The following NCAM2 variants were observed in gnomAD, a reference collection of about 807,000 sequenced individuals.
NCAM2 encodes the protein N-CAM-2.
Under a neutral mutation model 98.1 loss-of-function variants are expected in NCAM2, and 30 were observed. The observed-to-expected ratio is 0.31, with a 90% confidence interval of 0.23 to 0.41. The LOEUF (loss-of-function observed/expected upper bound fraction) is 0.41, where lower values mean the gene tolerates loss of function less well. Ranked by LOEUF, NCAM2 falls within the 10% of genes least tolerant of loss-of-function variation. The pLI, the probability that NCAM2 is intolerant of heterozygous loss-of-function variation, is 1.00. For missense variants in NCAM2, 867 were observed against 1,005.8 expected (o/e 0.86, Z 1.87); for synonymous variants, 368 against 342.4 (o/e 1.07, Z -0.83).
chr21:21,147,199 A>G (rs952917823), intron 1 of NCAM2: 6 of 985,318 alleles, frequency 6.1e-6, no homozygotes, highest in Non-Finnish European at 7.2e-6. Context: ...ACTTCAGCAC[A>G]TGGAACTCTG....
At chr21:21,477,217 C>A in intron 14 of NCAM2, 74 bp from the exon 15 acceptor site, 1 of 1,161,540 alleles carries the variant, frequency 8.6e-7, no homozygotes, top group Non-Finnish European at 1.2e-6. Flanking sequence ...GTTCCAATTC[C>A]AATATAATTT....
intron 5 of NCAM2, among the ~76,000 whole-genome samples, chr21:21,304,463 G>C (rs193273942): frequency 3.3e-5 from 5 of 151,614 alleles, no homozygotes; most frequent in Non-Finnish European, 5.9e-5. Context: ...CTGTTCCATT[G>C]ATCTATTTAT....
At chr21:21,079,084 G>T (rs999888546) in intron 1 of NCAM2, among the ~76,000 whole-genome samples, 1 of 152,232 alleles carries the variant, frequency 6.6e-6, no homozygotes, top group South Asian at 2.1e-4. Flanking sequence ...GCTAATACAT[G>T]CAGGGCTTAA....
At position 21,500,979 on chromosome 21, in the gene NCAM2, G is replaced by T. The variant is rs77837468; in HGVS notation, c.2078-7872G>T. ...CAATATCCCCACCATTTTTAAAGCC[G>T]TGAGCATTTAATTTTAAAAAAATTA... On this transcript the variant is annotated intron_variant, in intron 15 of 17. Coordinates refer to ENST00000400546, the MANE Select transcript of NCAM2 (RefSeq NM_004540.5). Among the ~76,000 whole-genome samples the T allele has an allele frequency of 9.0e-3, 1,363 of 152,096 alleles. 24 individuals carry two copies. Among genetic ancestry groups the T allele is most frequent in the African/African-American group, 0.031 (1,304 of 41,528 alleles).
chr21:21,470,014 T>C (rs1984229169), intron 14 of NCAM2, among the ~76,000 whole-genome samples: 1 of 152,026 alleles, frequency 6.6e-6, no homozygotes, highest in Non-Finnish European at 1.5e-5. Flanking sequence ...AAAAAATTTA[T>C]TGTACAAAAT....
chr21:21,260,500 G>T (rs956191908), intron 1 of NCAM2, among the ~76,000 whole-genome samples: 3 of 151,574 alleles, frequency 2.0e-5, no homozygotes, highest in Admixed American at 2.0e-4. Context: ...AGTAACAGCG[G>T]ACTTTTCAGC....
intron 5 of NCAM2, among the ~76,000 whole-genome samples, chr21:21,307,055 G>A (rs999571288): frequency 3.1e-4 from 12 of 39,112 alleles, no homozygotes; most frequent in Middle Eastern, 0.015. Context: ...TTTGTAGGAT[G>A]TGTACAGTTG....
chr21:21,356,466 T>C (rs966584196), intron 8 of NCAM2, among the ~76,000 whole-genome samples: 100 of 152,128 alleles, frequency 6.6e-4, no homozygotes, highest in Non-Finnish European at 1.1e-3. Context: ...TTTTTATTTA[T>C]AAAATGTGAA....
intron 10 of NCAM2, among the ~76,000 whole-genome samples, chr21:21,417,329 T>C (rs1192284896): frequency 1.3e-5 from 2 of 152,120 alleles, no homozygotes; most frequent in African/African-American, 4.8e-5. Flanking sequence ...CACTTAGCAG[T>C]AATTATGTAA....
intron 8 of NCAM2, among the ~76,000 whole-genome samples, chr21:21,356,905 G>A (rs1272833301): frequency 6.6e-6 from 1 of 152,014 alleles, no homozygotes; most frequent in East Asian, 1.9e-4. Context: ...CAGGAGAATC[G>A]CTTGAATCCC....
chr21:21,167,212 C>T (rs556003979), intron 1 of NCAM2, among the ~76,000 whole-genome samples: 2 of 149,510 alleles, frequency 1.3e-5, no homozygotes, highest in African/African-American at 2.4e-5. Flanking sequence ...TGCCAGTTTT[C>T]TCTCTCTCTC....
intron 1 of NCAM2, among the ~76,000 whole-genome samples, chr21:21,196,157 T>C (rs1010712737): frequency 2.6e-5 from 4 of 152,188 alleles, no homozygotes; most frequent in African/African-American, 4.8e-5. Context: ...GTTCCCACTT[T>C]AAGAAAGAAT....
intron 1 of NCAM2, among the ~76,000 whole-genome samples, chr21:21,005,368 C>T (rs1009151636): frequency 1.3e-5 from 2 of 151,410 alleles, no homozygotes; most frequent in African/African-American, 2.4e-5. Flanking sequence ...TGAAGTTTTA[C>T]GTTTATTTAA....
intron 1 of NCAM2, among the ~76,000 whole-genome samples, chr21:21,227,902 TTAAG>T (rs1376214417): frequency 6.6e-6 from 1 of 151,774 alleles, no homozygotes; most frequent in Non-Finnish European, 1.5e-5. Flanking sequence ...TTTATGATTG[TTAAG>T]TAAGGGAAAC....
At chr21:21,200,402 C>A in intron 1 of NCAM2, among the ~76,000 whole-genome samples, 3 of 91,740 alleles carry the variant, frequency 3.3e-5, no homozygotes, top group Admixed American at 1.3e-4. Context: ...AAGACAACCC[C>A]ATGCCTGAAA....
At chr21:21,123,780 T>C (rs1007699209) in intron 1 of NCAM2, among the ~76,000 whole-genome samples, 1 of 151,802 alleles carries the variant, frequency 6.6e-6, no homozygotes, top group Non-Finnish European at 1.5e-5. Flanking sequence ...GTTACTGTTA[T>C]CCTCATTTTA....
rs554909163 is a variant in NCAM2, at chr21:21,542,549, A to G, written c.*4592A>G. The G allele has an allele frequency of 6.6e-6, 1 of 151,874 alleles. No individual in the cohort carries two copies. The highest frequency in any genetic ancestry group is 2.4e-5 in the African/African-American group (1 of 41,432). The allele number at this position is 151,874 out of a possible 1,614,324, so 9.4% of individuals were successfully genotyped here. A position where few individuals can be genotyped will look rare whatever the true frequency, so the allele number is the denominator to read the frequency against. On this transcript the variant is annotated 3_prime_UTR_variant, in exon 18 of 18. Transcript: ENST00000400546. ...TTTTTTTCTTTTCTGAAATGAAAACATGAATCTTTTGGCATCTGTTTTTAG... is the reference window on the plus strand; with the variant it reads ...TTTTTTTCTTTTCTGAAATGAAAACGTGAATCTTTTGGCATCTGTTTTTAG...
intron 1 of NCAM2, among the ~76,000 whole-genome samples, chr21:21,049,012 A>AATT (rs2065052389): frequency 2.4e-5 from 1 of 42,144 alleles, no homozygotes; most frequent in Non-Finnish European, 5.4e-5. Flanking sequence ...ATTTACTATT[A>AATT]ATTTTTTTTT....
At chr21:21,411,474 A>G (rs143141404) in intron 10 of NCAM2, among the ~76,000 whole-genome samples, 124 of 151,868 alleles carry the variant, frequency 8.2e-4, no homozygotes, top group African/African-American at 2.8e-3. Context: ...TTGTATAATT[A>G]TTTTTATATT....
Sources: gnomAD v4.1 joint callset for allele counts (sites outside exome capture counted in the v4.1 genomes callset) on GRCh38, gnomAD v4.1.1 for gene constraint, MANE v1.5 for transcripts, NCBI Gene and HGNC (gene_info 2026-07-23, HGNC 2026-07-21) for gene names.